Variants in DPP8 observed in about 807,000 individuals in gnomAD.
The protein encoded by DPP8 is dipeptidyl peptidase 8, also known as DPP VIII.
In DPP8, 31 loss-of-function variants were observed where a neutral mutation model predicts 107.5. That is an observed-to-expected ratio of 0.29 (90% CI 0.22 to 0.39). DPP8 has a LOEUF of 0.39. Among genes scored for constraint, DPP8 ranks in the 10% least tolerant of loss-of-function variants. The pLI, the probability that DPP8 is intolerant of heterozygous loss-of-function variation, is 1.00. For synonymous variants in DPP8, 381 were observed against 356.6 expected (o/e 1.07, Z -0.77); for missense variants, 842 against 1,076.1 (o/e 0.78, Z 3.04).
chr15:65,492,515 G>A (rs2068142581), intron 5 of DPP8, among the ~76,000 whole-genome samples: 1 of 152,284 alleles, frequency 6.6e-6, no homozygotes, highest in Non-Finnish European at 1.5e-5. Context: ...AAGTATGAAA[G>A]TTCTTCTCCA....
intron 6 of DPP8, among the ~76,000 whole-genome samples, 167 bp downstream of exon 6, chr15:65,490,022 T>G (rs2067866877): frequency 6.6e-6 from 1 of 152,154 alleles, no homozygotes; most frequent in East Asian, 1.9e-4. Context: ...CCCAGCCTAA[T>G]CTACATATTT....
At chr15:65,469,380 C>T (rs1183910228) in intron 12 of DPP8, among the ~76,000 whole-genome samples, 1 of 151,418 alleles carries the variant, frequency 6.6e-6, no homozygotes, top group Non-Finnish European at 1.5e-5. Context: ...GGCAGCTGGG[C>T]GCAGTGGTCC....
intron 3 of DPP8, 57 bp downstream of exon 3, chr15:65,507,185 TA>T: frequency 1.1e-6 from 1 of 926,536 alleles, no homozygotes; most frequent in Non-Finnish European, 1.6e-6. Context: ...AACCTCTAAA[TA>T]AATGCAGTAT....
chr15:65,491,094 G>T (rs1182829650), intron 5 of DPP8, among the ~76,000 whole-genome samples: 2 of 147,556 alleles, frequency 1.4e-5, no homozygotes, highest in Admixed American at 1.4e-4. Flanking sequence ...GGAGGTGGAG[G>T]TTGCACTGAG....
At chr15:65,463,156 A>T (rs1318460179) in intron 15 of DPP8, among the ~76,000 whole-genome samples, 1 of 152,202 alleles carries the variant, frequency 6.6e-6, no homozygotes, top group East Asian at 1.9e-4. Context: ...TTTCCCAAAC[A>T]AGTTTCTCTA....
chr15:65,490,121 C>T, intron 6 of DPP8, 68 bp downstream of exon 6: 1 of 849,542 alleles, frequency 1.2e-6, no homozygotes, highest in Non-Finnish European at 2.0e-6. Context: ...GAACTGTGCA[C>T]TTAAATGACA....
chr15:65,472,187 T>A (rs2065953014), intron 12 of DPP8, among the ~76,000 whole-genome samples: 1 of 152,224 alleles, frequency 6.6e-6, no homozygotes, highest in African/African-American at 2.4e-5. Flanking sequence ...TGCCCATCAC[T>A]CTTTGCAGGT....
intron 15 of DPP8, among the ~76,000 whole-genome samples, chr15:65,460,875 CTA>C (rs2064862609): frequency 6.6e-6 from 1 of 152,136 alleles, no homozygotes. Flanking sequence ...TATAGTAATT[CTA>C]TGTTTGACAT....
chr15:65,448,122 T>G (rs1168611668), intron 19 of DPP8, among the ~76,000 whole-genome samples: 2 of 152,150 alleles, frequency 1.3e-5, no homozygotes, highest in Non-Finnish European at 2.9e-5. Context: ...AGTAGCCCAT[T>G]CCCTGTAGTC....
At chr15:65,457,937 T>C (rs1055824343) in intron 15 of DPP8, among the ~76,000 whole-genome samples, 2 of 152,022 alleles carry the variant, frequency 1.3e-5, no homozygotes, top group East Asian at 3.9e-4. Context: ...GGATTACATG[T>C]GTGTGCCACA....
chr15:65,450,712 A>G (rs12909009), intron 19 of DPP8: 42,538 of 215,672 alleles, frequency 0.2, 5,904 homozygotes, highest in East Asian at 0.69. Flanking sequence ...AAGAAAAGCA[A>G]AGGATAACAG....
chr15:65,487,457 C>A (rs1250264165), intron 7 of DPP8, among the ~76,000 whole-genome samples: 1 of 152,090 alleles, frequency 6.6e-6, no homozygotes, highest in Non-Finnish European at 1.5e-5. Context: ...CGCAAAGATA[C>A]CTTCTAATTC....
At chr15:65,516,079 A>G (rs566536710) in intron 1 of DPP8, 5 of 346,056 alleles carry the variant, frequency 1.4e-5, no homozygotes, top group African/African-American at 2.1e-5. Flanking sequence ...AAAAAGTTAC[A>G]AAAGGCATAC....
intron 11 of DPP8, chr15:65,475,705 T>A: frequency 1.9e-6 from 1 of 538,668 alleles, no homozygotes; most frequent in Non-Finnish European, 3.3e-6. Context: ...TGCCAAAAAA[T>A]AACCCAGGTA....
At chr15:65,510,671 T>A (rs1425055583) in intron 2 of DPP8, among the ~76,000 whole-genome samples, 9 of 152,292 alleles carry the variant, frequency 5.9e-5, no homozygotes, top group Non-Finnish European at 2.9e-5. Context: ...CCCAAGTAGC[T>A]GGGATTACAA....
intron 1 of DPP8, among the ~76,000 whole-genome samples, chr15:65,514,701 G>A (rs559943709): frequency 4.6e-5 from 7 of 152,216 alleles, no homozygotes; most frequent in East Asian, 1.9e-4. Flanking sequence ...TAGTAGAGAC[G>A]GGGTTTCACC....
intron 18 of DPP8, among the ~76,000 whole-genome samples, chr15:65,451,672 C>G (rs7178317): frequency 0.048 from 7,313 of 152,044 alleles, 601 homozygotes; most frequent in African/African-American, 0.17. Context: ...TGCCTGTAAT[C>G]CCAGCACTTT....
chr15:65,454,420 CA>C lies in DPP8; in HGVS notation c.2119-6del. 5.7e-6 allele frequency: 9 copies of C among 1,580,030 alleles called. No individual in the cohort carries two copies. The highest frequency in any genetic ancestry group is 2.4e-5 in the South Asian group (2 of 83,658). On this transcript the variant is annotated splice_polypyrimidine_tract_variant and splice_region_variant and intron_variant, in intron 16 of 19. Coordinates refer to ENST00000300141, the MANE Select transcript of DPP8 (RefSeq NM_130434.5). ...ATCGTCAATTTCTATTTGACCCTGT[CA>C]AAAAAGGGAGAACATTTCACTGATT...
At chr15:65,447,816 A>C (rs540739642) in intron 19 of DPP8, among the ~76,000 whole-genome samples, 19 of 152,346 alleles carry the variant, frequency 1.2e-4, no homozygotes, top group South Asian at 4.1e-4. Context: ...CTTTTGAGTT[A>C]GAATTTTGGA....
Sources: gnomAD v4.1 joint callset for allele counts (sites outside exome capture counted in the v4.1 genomes callset) on GRCh38, gnomAD v4.1.1 for gene constraint, MANE v1.5 for transcripts, NCBI Gene and HGNC (gene_info 2026-07-23, HGNC 2026-07-21) for gene names.